Variants in SLC26A7 observed in about 807,000 individuals in gnomAD.
The protein encoded by SLC26A7 is solute carrier family 26 member 7, also known as anion exchange transporter.
Under a neutral mutation model 82.5 loss-of-function variants are expected in SLC26A7, and 59 were observed. The ratio of observed to expected loss-of-function variants is 0.72; its 90% CI spans 0.58 to 0.89. The LOEUF (loss-of-function observed/expected upper bound fraction) is 0.89, where lower values mean the gene tolerates loss of function less well. Among genes scored for constraint, SLC26A7 ranks in the 40% least tolerant of loss-of-function variants. The probability of loss-of-function intolerance (pLI) is 0.00; values close to 1 mark genes in which losing one functional copy is unlikely to be tolerated. For synonymous variants in SLC26A7, 271 were observed against 274.3 expected (o/e 0.99, Z 0.12); for missense variants, 820 against 793.0 (o/e 1.03, Z -0.41).
At chr8:91,290,266 T>C (rs1174025602) in intron 3 of SLC26A7, among the ~76,000 whole-genome samples, 1 of 152,222 alleles carries the variant, frequency 6.6e-6, no homozygotes, top group Non-Finnish European at 1.5e-5. Context: ...TTTTGTGTTA[T>C]TGATTGTATC....
chr8:91,247,817 A>G (rs1269434025), upstream of SLC26A7, among the ~76,000 whole-genome samples: 18 of 152,128 alleles, frequency 1.2e-4, no homozygotes, highest in Admixed American at 1.2e-3. Context: ...GATTTCAGTT[A>G]AGCTTTCAAT....
Position 91,393,917 on chromosome 8 carries a change from C to A in SLC26A7, c.1832-19C>A, listed in dbSNP as rs1301322380. 1.2e-6 allele frequency: 2 copies of A among 1,612,082 alleles called. No homozygotes were observed. Among genetic ancestry groups the A allele is most frequent in the East Asian group, 4.5e-5 (2 of 44,842 alleles). On this transcript the variant is annotated intron_variant, in intron 17 of 18. Transcript: ENST00000276609. Reference sequence around the variant, plus strand: ...TGCACTTCCACATGTATTCTTATATCACTTGTGCTTTCTTGAAGCTTCCTT... The same window carrying A: ...TGCACTTCCACATGTATTCTTATATAACTTGTGCTTTCTTGAAGCTTCCTT...
intron 6 of SLC26A7, among the ~76,000 whole-genome samples, chr8:91,336,293 C>T (rs1423742763): frequency 1.3e-5 from 2 of 152,058 alleles, no homozygotes; most frequent in African/African-American, 4.8e-5. Flanking sequence ...TGGACTGGTA[C>T]CAGTTCATGG....
chr8:91,300,453 AG>A (rs1812132811), intron 4 of SLC26A7, among the ~76,000 whole-genome samples: 2 of 150,350 alleles, frequency 1.3e-5, no homozygotes, highest in Non-Finnish European at 3.0e-5. Context: ...GCTGGAGTGC[AG>A]GGGCGCGATC....
chr8:91,220,109 G>A (rs1164312335), intron 2 of SLC26A7, among the ~76,000 whole-genome samples: 2 of 152,086 alleles, frequency 1.3e-5, no homozygotes, highest in Admixed American at 1.3e-4. Context: ...ATGGAGCACA[G>A]CAAAGAGATC....
At chr8:91,347,863 G>C (rs191560706) in intron 9 of SLC26A7, among the ~76,000 whole-genome samples, 9 of 152,314 alleles carry the variant, frequency 5.9e-5, no homozygotes, top group Admixed American at 6.5e-5. Flanking sequence ...TTGTGGCACA[G>C]CTTAGACAAA....
upstream of SLC26A7, among the ~76,000 whole-genome samples, chr8:91,246,670 G>A (rs547943231): frequency 6.6e-5 from 10 of 151,294 alleles, no homozygotes; most frequent in African/African-American, 9.8e-5. Context: ...ATCGCACTCC[G>A]GCCTGGGAGT....
chr8:91,366,741 A>C, intron 14 of SLC26A7, 24 bp downstream of exon 14: 1 of 1,601,318 alleles, frequency 6.2e-7, no homozygotes, highest in Non-Finnish European at 8.5e-7. Context: ...TTTGATTAGA[A>C]TGTCATACTA....
chr8:91,265,422 C>A (rs1323367126), intron 2 of SLC26A7, among the ~76,000 whole-genome samples: 2 of 152,014 alleles, frequency 1.3e-5, no homozygotes, highest in African/African-American at 4.8e-5. Context: ...ATTGGTGGAT[C>A]ATATGGTAGT....
intron 3 of SLC26A7, among the ~76,000 whole-genome samples, chr8:91,291,873 T>C (rs542097703): frequency 2.0e-5 from 3 of 152,332 alleles, no homozygotes; most frequent in African/African-American, 7.2e-5. Flanking sequence ...CTGATTTCCC[T>C]TCTGTTAAGT....
intron 15 of SLC26A7, among the ~76,000 whole-genome samples, chr8:91,388,138 T>G (rs1263357823): frequency 6.6e-6 from 1 of 152,236 alleles, no homozygotes; most frequent in East Asian, 1.9e-4. Context: ...GCAGGATTTT[T>G]GTTTTTTTTA....
At chr8:91,343,158 T>C in intron 8 of SLC26A7, 195 bp from the exon 9 acceptor site, 5 of 532,268 alleles carry the variant, frequency 9.4e-6, no homozygotes, top group Non-Finnish European at 1.7e-5. Flanking sequence ...ATGAGTAAAG[T>C]GCTTGAGAAC....
At chr8:91,339,343 C>T (rs1302781820) in intron 7 of SLC26A7, among the ~76,000 whole-genome samples, 2 of 151,874 alleles carry the variant, frequency 1.3e-5, no homozygotes, top group Non-Finnish European at 2.9e-5. Context: ...GTGACCTTTC[C>T]AGACCCATCC....
chr8:91,366,869 A>G, intron 14 of SLC26A7, 152 bp downstream of exon 14: 1 of 852,502 alleles, frequency 1.2e-6, no homozygotes. Flanking sequence ...ATTTTAGTTA[A>G]TTTTTAGGTA....
chr8:91,315,401 C>T (rs1178158431), intron 4 of SLC26A7, among the ~76,000 whole-genome samples: 1 of 148,862 alleles, frequency 6.7e-6, no homozygotes, highest in Non-Finnish European at 1.5e-5. Context: ...CAATGTTTTT[C>T]ATAGCTGATT....
chr8:91,285,303 C>T (rs1206901980), intron 2 of SLC26A7, among the ~76,000 whole-genome samples: 2 of 79,304 alleles, frequency 2.5e-5, no homozygotes, highest in African/African-American at 7.6e-5. Flanking sequence ...GTGGCATTCA[C>T]ATGCCTTCAT....
chr8:91,346,429 C>T (rs1012798913), intron 9 of SLC26A7, among the ~76,000 whole-genome samples: 1 of 152,118 alleles, frequency 6.6e-6, no homozygotes, highest in Non-Finnish European at 1.5e-5. Context: ...TTCTATGTGA[C>T]ATGACTTCAC....
At chr8:91,333,060 A>G (rs1316375270) in intron 5 of SLC26A7, among the ~76,000 whole-genome samples, 3 of 152,134 alleles carry the variant, frequency 2.0e-5, no homozygotes, top group Admixed American at 2.0e-4. Context: ...TGGTTATTAT[A>G]TTTCAGCACC....
chr8:91,211,616 ATTTTTT>A (rs34106795), intron 1 of SLC26A7, among the ~76,000 whole-genome samples: 1 of 137,528 alleles, frequency 7.3e-6, no homozygotes, highest in African/African-American at 2.9e-5. Context: ...ATATATATAT[ATTTTTT>A]TTTTATTTTT....
Sources: allele counts gnomAD v4.1 joint callset (sites outside exome capture counted in the v4.1 genomes callset), GRCh38; gene constraint gnomAD v4.1.1; transcripts MANE v1.5; gene names NCBI Gene and HGNC (gene_info 2026-07-23, HGNC 2026-07-21).